NPEPPS: variants seen among roughly 807,000 people sequenced by gnomAD.
The protein encoded by NPEPPS is puromycin-sensitive aminopeptidase.
In NPEPPS, 14 loss-of-function variants were observed where a neutral mutation model predicts 115.5. The ratio of observed to expected loss-of-function variants is 0.12; its 90% CI spans 0.08 to 0.19. The LOEUF (loss-of-function observed/expected upper bound fraction) is 0.19, where lower values mean the gene tolerates loss of function less well. Ranked by LOEUF, NPEPPS falls within the 10% of genes least tolerant of loss-of-function variation. The probability of loss-of-function intolerance (pLI) is 1.00; values close to 1 mark genes in which losing one functional copy is unlikely to be tolerated. For synonymous variants in NPEPPS, 285 were observed against 390.6 expected (o/e 0.73, Z 3.19); for missense variants, 523 against 1,110.8 (o/e 0.47, Z 7.52).
At chr17:47,612,439 C>T in intron 17 of NPEPPS, 21 bp from the exon 18 acceptor site, 1 of 1,612,626 alleles carries the variant, frequency 6.2e-7, no homozygotes, top group Non-Finnish European at 8.5e-7. Context: ...AGTCTTATGT[C>T]TCTTTTACTT....
intron 9 of NPEPPS, among the ~76,000 whole-genome samples, chr17:47,589,422 A>AT (rs1912375443): frequency 6.7e-6 from 1 of 150,210 alleles, no homozygotes; most frequent in Non-Finnish European, 1.5e-5. Flanking sequence ...TGACCAGCTA[A>AT]TTTTTTTTTA....
intron 14 of NPEPPS, among the ~76,000 whole-genome samples, 178 bp from the exon 15 acceptor site, chr17:47,601,430 G>T (rs1029006375): frequency 6.6e-6 from 1 of 152,014 alleles, no homozygotes; most frequent in Non-Finnish European, 1.5e-5. Flanking sequence ...GTTAGTAAAT[G>T]ATCCCTTCCT....
chr17:47,596,996 C>T (rs183482281), intron 13 of NPEPPS, among the ~76,000 whole-genome samples: 3 of 150,230 alleles, frequency 2.0e-5, no homozygotes, highest in Non-Finnish European at 4.4e-5. Context: ...TGCAGCGAGC[C>T]GAGATTGTGC....
chr17:47,526,025 A>G (rs2143632576), intron 1 of NPEPPS, among the ~76,000 whole-genome samples: 1 of 152,278 alleles, frequency 6.6e-6, no homozygotes, highest in South Asian at 2.1e-4. Context: ...AGCCTGACCA[A>G]CATGGAGAAA....
At chr17:47,535,209 C>T (rs1411063177) in intron 1 of NPEPPS, among the ~76,000 whole-genome samples, 3 of 116,178 alleles carry the variant, frequency 2.6e-5, no homozygotes, top group African/African-American at 1.0e-4. Context: ...CGCCACTGCA[C>T]TCCAGCCTGG....
chr17:47,598,441 A>G (rs1187215369), intron 13 of NPEPPS, among the ~76,000 whole-genome samples: 1 of 152,222 alleles, frequency 6.6e-6, no homozygotes, highest in Non-Finnish European at 1.5e-5. Flanking sequence ...GCAGCACTGC[A>G]GTCCATCCTG....
chr17:47,528,167 T>C (rs1453029882), upstream of NPEPPS, among the ~76,000 whole-genome samples: 1 of 151,232 alleles, frequency 6.6e-6, no homozygotes, highest in East Asian at 1.9e-4. Flanking sequence ...TCGGGCATGG[T>C]GGTGGGCGCC....
At chr17:47,549,179 C>G (rs1205014854) in intron 2 of NPEPPS, among the ~76,000 whole-genome samples, 1 of 151,492 alleles carries the variant, frequency 6.6e-6, no homozygotes, top group Non-Finnish European at 1.5e-5. Flanking sequence ...CCCATCTCTA[C>G]TAAAAATAAA....
At chr17:47,618,586 C>G in intron 20 of NPEPPS, 129 bp downstream of exon 20, 1 of 644,328 alleles carries the variant, frequency 1.6e-6, no homozygotes, top group Non-Finnish European at 2.7e-6. Context: ...GAGTAACTGG[C>G]TTGAGTTTTT....
intron 3 of NPEPPS, among the ~76,000 whole-genome samples, chr17:47,578,543 AAAAG>A (rs1014084609): frequency 1.1e-4 from 17 of 152,154 alleles, no homozygotes; most frequent in Admixed American, 3.9e-4. Context: ...TATGTTATAA[AAAAG>A]AAAGTATATG....
At chr17:47,544,676 G>A (rs1909064020) in intron 1 of NPEPPS, among the ~76,000 whole-genome samples, 1 of 150,972 alleles carries the variant, frequency 6.6e-6, no homozygotes, top group African/African-American at 2.4e-5. Flanking sequence ...TGGAATTATG[G>A]GCCTATGCCA....
chr17:47,596,481 T>C lies in NPEPPS; in HGVS notation c.1536+19T>C, dbSNP rs1270792518. The C allele has an allele frequency of 4.1e-6, 6 of 1,460,444 alleles. No individual in the cohort carries two copies. The highest frequency in any genetic ancestry group is 4.7e-6 in the Non-Finnish European group (5 of 1,065,244). The allele number at this position is 1,460,444 out of a possible 1,614,324, so 90.5% of individuals were successfully genotyped here. On this transcript the variant is annotated intron_variant, in intron 13 of 22. Transcript: ENST00000322157. ...TGAACAGGTAAACATATAAAGTCTTTCCATTTGTCTGATATTGTATTAAAT... is the reference window on the plus strand; with the variant it reads ...TGAACAGGTAAACATATAAAGTCTTCCCATTTGTCTGATATTGTATTAAAT...
chr17:47,539,454 G>A (rs2143687658), intron 1 of NPEPPS, among the ~76,000 whole-genome samples: 1 of 152,202 alleles, frequency 6.6e-6, no homozygotes, highest in African/African-American at 2.4e-5. Flanking sequence ...AGAAATACAA[G>A]AAAGTCACAC....
chr17:47,545,144 G>A (rs2257948), intron 1 of NPEPPS, among the ~76,000 whole-genome samples: 4 of 152,100 alleles, frequency 2.6e-5, no homozygotes, highest in Non-Finnish European at 5.9e-5. Context: ...AGTTAGGACT[G>A]TAGGTGGATA....
intron 17 of NPEPPS, among the ~76,000 whole-genome samples, chr17:47,609,958 C>T (rs1487440011): frequency 6.6e-6 from 1 of 152,056 alleles, no homozygotes; most frequent in African/African-American, 2.4e-5. Context: ...TGTACTGCTG[C>T]AATTCATCAG....
chr17:47,562,976 C>G (rs974968239), intron 2 of NPEPPS, among the ~76,000 whole-genome samples: 3 of 150,202 alleles, frequency 2.0e-5, no homozygotes, highest in Non-Finnish European at 3.0e-5. Flanking sequence ...ATATATACTT[C>G]TCTTTTGATT....
At chr17:47,594,239 G>A (rs1912697710) in intron 12 of NPEPPS, among the ~76,000 whole-genome samples, 1 of 152,120 alleles carries the variant, frequency 6.6e-6, no homozygotes, top group African/African-American at 2.4e-5. Flanking sequence ...GAGTGAATAT[G>A]AAGGCCTAAG....
chr17:47,531,701 G>C, intron 1 of NPEPPS, 146 bp downstream of exon 1: 11 of 937,354 alleles, frequency 1.2e-5, no homozygotes, highest in Non-Finnish European at 1.5e-5. Context: ...GGCGTGCTCT[G>C]CCTTGCTCTG....
chr17:47,545,022 A>G lies in NPEPPS; in HGVS notation c.256-887A>G, dbSNP rs1597820697. Among the ~76,000 whole-genome samples the G allele has an allele frequency of 8.0e-5, 12 of 149,236 alleles. 1 individual carries two copies. In the South Asian group the frequency reaches 2.4e-3, roughly 29 times the overall value. On this transcript the variant is annotated intron_variant, in intron 1 of 22. Coordinates refer to ENST00000322157, the MANE Select transcript of NPEPPS (RefSeq NM_006310.4). The stretch of plus-strand genomic sequence containing the variant: ...CCCCAGCCTATTTTTATTTTTTGAG[A>G]CAGAGTCTCACTCTGTTGTTCAGGC...
Sources: gnomAD v4.1 joint callset for allele counts (sites outside exome capture counted in the v4.1 genomes callset) on GRCh38, gnomAD v4.1.1 for gene constraint, MANE v1.5 for transcripts, NCBI Gene and HGNC (gene_info 2026-07-23, HGNC 2026-07-21) for gene names.